Variants in ADCY10 observed in about 807,000 individuals in gnomAD.
The protein encoded by ADCY10 is adenylate cyclase type 10.
Under a neutral mutation model 183.3 loss-of-function variants are expected in ADCY10, and 156 were observed. The ratio of observed to expected loss-of-function variants is 0.85; its 90% CI spans 0.75 to 0.97. ADCY10 has a LOEUF of 0.97. Ranked by LOEUF, ADCY10 falls within the 50% of genes least tolerant of loss-of-function variation. The pLI, the probability that ADCY10 is intolerant of heterozygous loss-of-function variation, is 0.00. For missense variants in ADCY10, 1,745 were observed against 1,934.3 expected (o/e 0.90, Z 1.84); for synonymous variants, 645 against 670.0 (o/e 0.96, Z 0.58).
At position 167,861,040 on chromosome 1, in the gene ADCY10, T is replaced by C; in HGVS notation, c.1640A>G (p.Lys547Arg). 6.2e-7 allele frequency: 1 copy of C among 1,614,128 alleles called. No homozygotes were observed. Among genetic ancestry groups the C allele is most frequent in the Non-Finnish European group, 8.5e-7 (1 of 1,179,956 alleles). The change falls in exon 15 of 33, where the codon AAG becomes AGG. Residue 547 changes from lysine (K) to arginine (R), a missense_variant. Physicochemically the swap from Lys to Arg is conservative, Grantham distance 26 (BLOSUM62 2). Transcript: ENST00000367851. ...ATAGAAAGTTTGATGGAAGCTGATC[T>C]TATTCAATGAAATGGCAATAATCCT... ...NHRIIAISLN[K>R]ISFHQTFYTI... is the part of the protein sequence containing the mutation.
rs1327847205 is a variant in ADCY10, at chr1:167,856,355, T to G, written c.1981A>C (p.Ile661Leu). The G allele has an allele frequency of 1.2e-6, 2 of 1,614,002 alleles. No homozygotes were observed. Among genetic ancestry groups the G allele is most frequent in the Admixed American group, 1.7e-5 (1 of 60,004 alleles). ...ATGATGAAGATAGGAAGAGTCCGGA[T>G]AAGCTTCTCCATAAATCTCCAGGAG... is the stretch of plus-strand genomic sequence containing the variant. ...STSWRFMEKLIRTLPIFIIMS... is the reference protein window; with the variant it reads ...STSWRFMEKLLRTLPIFIIMS... Residue 661 changes from isoleucine to leucine, a missense_variant, in exon 17 of 33, where the codon ATC (isoleucine) becomes CTC (leucine). Coordinates refer to ENST00000367851, the MANE Select transcript of ADCY10 (RefSeq NM_018417.6).
chr1:167,885,190 T>C (rs1376366847), intron 8 of ADCY10, among the ~76,000 whole-genome samples: 2 of 152,252 alleles, frequency 1.3e-5, no homozygotes, highest in Non-Finnish European at 2.9e-5. Flanking sequence ...ATTTCTCTGT[T>C]GATGGACACT....
chr1:167,820,033 C>T, intron 30 of ADCY10: 1 of 1,577,602 alleles, frequency 6.3e-7, no homozygotes, highest in Non-Finnish European at 8.7e-7. Context: ...CTATGACTCC[C>T]AGTTCTACGT....
At position 167,878,400 on chromosome 1, in the gene ADCY10, C is replaced by T. The variant is rs376506087; in HGVS notation, c.1406+46G>A. ...GACTGCTTTGCTATCATAATTCTCC[C>T]GCTTCTTTACTAAAATATACTTCAA... On this transcript the variant is annotated intron_variant, in intron 12 of 32. Transcript: ENST00000367851. 6.8e-4 allele frequency: 1,079 copies of T among 1,592,058 alleles called. 1 individual carries two copies. Among genetic ancestry groups the T allele is most frequent in the Admixed American group, 1.4e-3 (86 of 59,958 alleles).
chr1:167,865,289 T>TA (rs966210710), intron 14 of ADCY10, among the ~76,000 whole-genome samples: 58 of 151,814 alleles, frequency 3.8e-4, no homozygotes, highest in African/African-American at 1.2e-3. Context: ...ATGTTAATTG[T>TA]AAAAAAAAAT....
chr1:167,867,539 C>T (rs1387616149), intron 14 of ADCY10, among the ~76,000 whole-genome samples: 2 of 152,170 alleles, frequency 1.3e-5, no homozygotes, highest in Non-Finnish European at 2.9e-5. Flanking sequence ...TAATGCTATT[C>T]TATCCAAGGT....
intron 8 of ADCY10, among the ~76,000 whole-genome samples, chr1:167,888,631 C>T (rs1423791894): frequency 6.6e-6 from 1 of 152,058 alleles, no homozygotes; most frequent in Non-Finnish European, 1.5e-5. Flanking sequence ...AATCCCAGCA[C>T]TTTGGGAGGC....
intron 8 of ADCY10, 112 bp downstream of exon 8, chr1:167,893,741 G>T (rs1668760272): frequency 1.7e-6 from 1 of 605,324 alleles, no homozygotes; most frequent in Non-Finnish European, 3.0e-6. Flanking sequence ...TATTTTAATG[G>T]AACATTTTAC....
chr1:167,851,984 A>C (rs1483402844), intron 18 of ADCY10, among the ~76,000 whole-genome samples: 1 of 152,166 alleles, frequency 6.6e-6, no homozygotes, highest in African/African-American at 2.4e-5. Context: ...AGTGAAATTC[A>C]CCTAACATGC....
In ADCY10 at chr1:167,878,463, C is replaced by T. The variant is rs1465254971; in HGVS notation, c.1389G>A (p.Trp463Ter). 1 of 1,613,946 alleles carries T rather than the reference C, an allele frequency of 6.2e-7. No homozygotes were observed. The highest frequency in any genetic ancestry group is 8.5e-7 in the Non-Finnish European group (1 of 1,180,008). The change falls in exon 12 of 33, where the codon TGG becomes TGA. Residue 463 changes from tryptophan to a stop codon, truncating the protein, a stop_gained. Transcript: ENST00000367851. LOFTEE classifies it high-confidence loss of function. The part of the protein sequence containing the change: ...VADSGPLYQY[W>*]GRTEKVMFGM... Reference sequence around the variant, plus strand: ...ACACTCACACTTTCTCAGTACGGCCCCAATACTGATACAATGGTCCAGAAT... The same window carrying T: ...ACACTCACACTTTCTCAGTACGGCCTCAATACTGATACAATGGTCCAGAAT...
intron 26 of ADCY10, among the ~76,000 whole-genome samples, chr1:167,827,450 G>A (rs1663390039): frequency 6.6e-6 from 1 of 150,794 alleles, no homozygotes; most frequent in African/African-American, 2.4e-5. Flanking sequence ...ACAGGCATAA[G>A]CCACCATGCC....
chr1:167,834,423 A>G (rs1479628148), intron 23 of ADCY10: 3 of 373,750 alleles, frequency 8.0e-6, no homozygotes, highest in Non-Finnish European at 1.5e-5. Context: ...CAACCTCCCT[A>G]TTCCCAACAA....
intron 21 of ADCY10, among the ~76,000 whole-genome samples, chr1:167,838,444 C>G (rs1370607268): frequency 1.3e-5 from 2 of 152,228 alleles, no homozygotes; most frequent in African/African-American, 4.8e-5. Flanking sequence ...ACTTGATTAC[C>G]TCTCAGCAGC....
At chr1:167,858,629 C>A (rs1300477662) in intron 16 of ADCY10, among the ~76,000 whole-genome samples, 2 of 151,876 alleles carry the variant, frequency 1.3e-5, no homozygotes, top group Admixed American at 6.6e-5. Flanking sequence ...GTGTTCACAG[C>A]CTTACAGAAG....
At chr1:167,847,811 C>T (rs1665153530) in intron 19 of ADCY10, among the ~76,000 whole-genome samples, 1 of 152,202 alleles carries the variant, frequency 6.6e-6, no homozygotes, top group African/African-American at 2.4e-5. Flanking sequence ...TTTTCTCCCT[C>T]ATTATTTGGT....
At chr1:167,855,584 G>T (rs1026241491) in intron 17 of ADCY10, among the ~76,000 whole-genome samples, 1 of 152,164 alleles carries the variant, frequency 6.6e-6, no homozygotes, top group African/African-American at 2.4e-5. Flanking sequence ...GTTAAAGTGA[G>T]TATACCCATA....
intron 18 of ADCY10, among the ~76,000 whole-genome samples, chr1:167,850,614 G>A (rs984346327): frequency 4.6e-5 from 7 of 151,862 alleles, no homozygotes; most frequent in African/African-American, 1.7e-4. Flanking sequence ...AACAGGAGGA[G>A]TGTGGGGTCA....
At chr1:167,903,392 C>T (rs1378465509) in intron 3 of ADCY10, among the ~76,000 whole-genome samples, 1 of 152,006 alleles carries the variant, frequency 6.6e-6, no homozygotes, top group Non-Finnish European at 1.5e-5. Flanking sequence ...GGTGAGACCC[C>T]ATCTCTACTA....
chr1:167,856,098 T>A, intron 17 of ADCY10, 67 bp downstream of exon 17: 1 of 1,555,792 alleles, frequency 6.4e-7, no homozygotes, highest in Non-Finnish European at 8.9e-7. Context: ...CTAAGAAATC[T>A]GATGAAGTCT....
Sources: allele counts gnomAD v4.1 joint callset (sites outside exome capture counted in the v4.1 genomes callset), GRCh38; gene constraint gnomAD v4.1.1; transcripts MANE v1.5; gene names NCBI Gene and HGNC (gene_info 2026-07-23, HGNC 2026-07-21).